The following LHFPL3 variants were observed in gnomAD, a reference collection of about 807,000 sequenced individuals.
LHFPL3 encodes the protein LHFPL tetraspan subfamily member 3, also known as LHFPL tetraspan subfamily member 3 protein.
In LHFPL3, 5 loss-of-function variants were observed where a neutral mutation model predicts 19.3. The ratio of observed to expected loss-of-function variants is 0.26; its 90% CI spans 0.14 to 0.54. LHFPL3 has a LOEUF of 0.54. Among genes scored for constraint, LHFPL3 ranks in the 20% least tolerant of loss-of-function variants. The probability of loss-of-function intolerance (pLI) is 0.94; values close to 1 mark genes in which losing one functional copy is unlikely to be tolerated. For synonymous variants in LHFPL3, 133 were observed against 126.2 expected (o/e 1.05, Z -0.36); for missense variants, 249 against 307.4 (o/e 0.81, Z 1.42).
intron 1 of LHFPL3, among the ~76,000 whole-genome samples, chr7:104,705,203 T>C (rs1006215084): frequency 1.3e-5 from 2 of 152,224 alleles, no homozygotes; most frequent in African/African-American, 4.8e-5. Flanking sequence ...AATTGTTTAA[T>C]ATAAAAACTT....
At chr7:104,637,529 C>A (rs1490593755) in intron 1 of LHFPL3, among the ~76,000 whole-genome samples, 2 of 152,120 alleles carry the variant, frequency 1.3e-5, no homozygotes, top group Non-Finnish European at 2.9e-5. Flanking sequence ...GGATTTAAGT[C>A]TTTAATCCAT....
At chr7:104,423,669 CAACA>C (rs1478606630) in intron 1 of LHFPL3, among the ~76,000 whole-genome samples, 1 of 152,024 alleles carries the variant, frequency 6.6e-6, no homozygotes, top group Non-Finnish European at 1.5e-5. Context: ...CAAAAGCAAA[CAACA>C]AACAAACAGA....
rs1413310995 is a variant in LHFPL3 at position 104,360,733 on chromosome 7, GTGTGTGTGTA to G, written c.445+31511_445+31520del. Among the ~76,000 whole-genome samples, 177 of 107,984 alleles carry G rather than the reference GTGTGTGTGTA, an allele frequency of 1.6e-3. 3 individuals carry two copies. The highest frequency in any genetic ancestry group is 6.2e-3 in the African/African-American group (168 of 26,942). 70.8% of individuals were successfully genotyped at this position (107,984 alleles called of 152,430 possible). A position where few individuals can be genotyped will look rare whatever the true frequency, so the allele number is the denominator to read the frequency against. ...TGTGTGTGTGTGTGTGTGTGTGTGT[GTGTGTGTGTA>G]TACATTTACATACTTCTTGCCCAGG... On this transcript the variant is annotated intron_variant, in intron 1 of 2. Transcript: ENST00000424859.
intron 2 of LHFPL3, chr7:104,757,486 A>G (rs549687772): frequency 2.0e-4 from 30 of 152,332 alleles, no homozygotes; most frequent in African/African-American, 7.2e-4. Context: ...TCCAGAATCC[A>G]TAAGGCACTT....
chr7:104,815,620 C>T (rs1790547783), intron 2 of LHFPL3, among the ~76,000 whole-genome samples: 1 of 152,158 alleles, frequency 6.6e-6, no homozygotes, highest in Admixed American at 6.5e-5. Flanking sequence ...AGAATTCTTC[C>T]AGTTCCACCT....
chr7:104,787,443 G>C (rs1789938704), intron 2 of LHFPL3, among the ~76,000 whole-genome samples: 1 of 152,170 alleles, frequency 6.6e-6, no homozygotes, highest in South Asian at 2.1e-4. Flanking sequence ...CTGCAAGCTG[G>C]GAAGTCCAAG....
chr7:104,778,991 T>C (rs1213491953), intron 2 of LHFPL3, among the ~76,000 whole-genome samples: 1 of 152,236 alleles, frequency 6.6e-6, no homozygotes, highest in East Asian at 1.9e-4. Flanking sequence ...ACATACTCTT[T>C]AGGATCTCAT....
At chr7:104,761,624 C>T (rs2116372343) in intron 2 of LHFPL3, among the ~76,000 whole-genome samples, 1 of 152,238 alleles carries the variant, frequency 6.6e-6, no homozygotes, top group African/African-American at 2.4e-5. Flanking sequence ...AAGTAGATTC[C>T]TAGAGTTCTC....
At chr7:104,469,712 A>G (rs1356020066) in intron 1 of LHFPL3, among the ~76,000 whole-genome samples, 3 of 152,196 alleles carry the variant, frequency 2.0e-5, no homozygotes, top group African/African-American at 7.2e-5. Context: ...GTTTCCGAAT[A>G]ACAAATAGGA....
At chr7:104,899,675 C>T (rs998789273) in intron 2 of LHFPL3, among the ~76,000 whole-genome samples, 1 of 152,188 alleles carries the variant, frequency 6.6e-6, no homozygotes, top group Non-Finnish European at 1.5e-5. Flanking sequence ...ACAGCACTTT[C>T]AGGAAAGTGC....
At chr7:104,737,393 G>A (rs1793849712) in intron 2 of LHFPL3, among the ~76,000 whole-genome samples, 1 of 152,144 alleles carries the variant, frequency 6.6e-6, no homozygotes, top group Non-Finnish European at 1.5e-5. Flanking sequence ...TCAGAGAGAG[G>A]TAGTAACACT....
intron 2 of LHFPL3, among the ~76,000 whole-genome samples, chr7:104,812,740 G>A (rs1034214080): frequency 1.5e-5 from 2 of 136,070 alleles, no homozygotes; most frequent in Admixed American, 1.7e-4. Flanking sequence ...GGAAGCAGAG[G>A]TCACAATGAG....
chr7:104,882,988 G>A (rs139594280), intron 2 of LHFPL3, among the ~76,000 whole-genome samples: 58 of 152,256 alleles, frequency 3.8e-4, no homozygotes, highest in African/African-American at 1.2e-3. Context: ...AGCAAACCAC[G>A]CAATGTTTGA....
At chr7:104,674,417 G>T (rs1792551097) in intron 1 of LHFPL3, among the ~76,000 whole-genome samples, 1 of 143,908 alleles carries the variant, frequency 6.9e-6, no homozygotes, top group Admixed American at 7.1e-5. Context: ...TTGCCAGGCT[G>T]GAGTGCAGTG....
At chr7:104,774,828 A>G (rs1170219574) in intron 2 of LHFPL3, among the ~76,000 whole-genome samples, 1 of 152,214 alleles carries the variant, frequency 6.6e-6, no homozygotes, top group African/African-American at 2.4e-5. Flanking sequence ...ATGCTGGATT[A>G]AAGGCCTCAT....
intron 1 of LHFPL3, among the ~76,000 whole-genome samples, chr7:104,735,593 C>G (rs187223863): frequency 1.3e-5 from 2 of 152,286 alleles, no homozygotes; most frequent in East Asian, 3.9e-4. Flanking sequence ...GAGAGTGACC[C>G]GATTTTCCAG....
At chr7:104,622,276 A>AT (rs995725448) in intron 1 of LHFPL3, among the ~76,000 whole-genome samples, 9 of 151,604 alleles carry the variant, frequency 5.9e-5, no homozygotes, top group African/African-American at 1.5e-4. Flanking sequence ...CACTCAGCTC[A>AT]TTTTTTTTGT....
intron 1 of LHFPL3, among the ~76,000 whole-genome samples, chr7:104,534,816 C>G (rs1225025720): frequency 6.6e-6 from 1 of 152,152 alleles, no homozygotes; most frequent in Non-Finnish European, 1.5e-5. Context: ...ATTCATCCCT[C>G]CATAAAGTGA....
intron 1 of LHFPL3, among the ~76,000 whole-genome samples, chr7:104,541,981 G>A (rs772851995): frequency 2.0e-5 from 3 of 151,986 alleles, no homozygotes; most frequent in Non-Finnish European, 2.9e-5. Flanking sequence ...AACCCTTGAC[G>A]TGAGAGCATG....
Sources: allele counts gnomAD v4.1 joint callset (sites outside exome capture counted in the v4.1 genomes callset), GRCh38; gene constraint gnomAD v4.1.1; transcripts MANE v1.5; gene names NCBI Gene and HGNC (gene_info 2026-07-23, HGNC 2026-07-21).